ABCA1: variants seen among roughly 807,000 people sequenced by gnomAD.
The protein encoded by ABCA1 is phospholipid-transporting ATPase ABCA1.
In ABCA1, 133 loss-of-function variants were observed where a neutral mutation model predicts 262.5. That is an observed-to-expected ratio of 0.51 (90% CI 0.44 to 0.59). The LOEUF is 0.59. Among genes scored for constraint, ABCA1 ranks in the 20% least tolerant of loss-of-function variants. ABCA1 has a pLI of 0.00. For synonymous variants in ABCA1, 1,022 were observed against 1,043.5 expected, an observed-to-expected ratio of 0.98 and a Z score of 0.40; for missense variants, 2,452 against 2,777.5, an observed-to-expected ratio of 0.88 and a Z score of 2.63.
At position 104,820,042 on chromosome 9, in the gene ABCA1, G is replaced by A. The variant is rs886063310; in HGVS notation, c.2988C>T (p.Phe996=). The change falls in exon 21 of 50, where the codon TTC becomes TTT. Residue 996 remains phenylalanine, a synonymous_variant. Transcript: ENST00000374736. ...CAGAGAGCCCTTTCAAGCGGGCATA[G>A]AACCAGATGTGTTCTTCGACAGTCA... is the stretch of plus-strand genomic sequence containing the variant. ...DMLTVEEHIW[F]YARLKGLSEK... The A allele has an allele frequency of 6.2e-7, 1 of 1,614,140 alleles. No individual in the cohort carries two copies. Among genetic ancestry groups the A allele is most frequent in the East Asian group, 2.2e-5 (1 of 44,880 alleles).
intron 5 of ABCA1, among the ~76,000 whole-genome samples, chr9:104,862,597 C>G (rs80110538): frequency 0.055 from 7,891 of 144,280 alleles, 330 homozygotes; most frequent in East Asian, 0.27. Context: ...AAGTATGCAT[C>G]AGAATCACCT....
intron 40 of ABCA1, 143 bp from the exon 41 acceptor site, chr9:104,793,443 G>C: frequency 8.2e-7 from 1 of 1,219,518 alleles, no homozygotes; most frequent in East Asian, 2.5e-5. Context: ...GGAAAAAAGA[G>C]TAACAAGAGA....
chr9:104,852,774 T>C (rs1835484920), intron 7 of ABCA1, among the ~76,000 whole-genome samples: 1 of 152,158 alleles, frequency 6.6e-6, no homozygotes, highest in Non-Finnish European at 1.5e-5. Context: ...GGCAGTCAAA[T>C]CACACAAAGC....
intron 7 of ABCA1, among the ~76,000 whole-genome samples, chr9:104,851,374 C>T (rs1434470229): frequency 6.6e-6 from 1 of 152,170 alleles, no homozygotes; most frequent in African/African-American, 2.4e-5. Context: ...CTTTGCCCAC[C>T]TCTGCAGGCA....
chr9:104,812,477 C>G, intron 28 of ABCA1, 97 bp downstream of exon 28: 1 of 1,511,200 alleles, frequency 6.6e-7, no homozygotes, highest in Non-Finnish European at 9.1e-7. Flanking sequence ...GCTCCGGCAT[C>G]CATATCTTGA....
chr9:104,830,954 C>G lies in ABCA1; in HGVS notation c.1863G>C (p.Gln621His), dbSNP rs760598637. 6.2e-7 allele frequency: 1 copy of G among 1,613,928 alleles called. No homozygotes were observed. The highest frequency in any genetic ancestry group is 8.5e-7 in the Non-Finnish European group (1 of 1,179,968). ...CATCAACGTAACAGGGATAGGGCAT[C>G]TGTTGCATATAGACACCAGTTTTCT... ...TEKKTGVYMQ[Q>H]MPYPCYVDDI... Residue 621 changes from glutamine (Q) to histidine (H), a missense_variant, in exon 14 of 50, where the codon CAG (glutamine) becomes CAC (histidine). Around this residue, in one of 4 missense-constraint regions of ABCA1, gnomAD observed 1,032 missense variants for 1,089.7 expected, o/e 0.95. Coordinates refer to ENST00000374736, the MANE Select transcript of ABCA1 (RefSeq NM_005502.4).
At chr9:104,796,512 G>A (rs1026519244) in intron 37 of ABCA1, 88 bp from the exon 38 acceptor site, 10 of 981,844 alleles carry the variant, frequency 1.0e-5, no homozygotes, top group Middle Eastern at 2.1e-4. Context: ...AGACAAGAAA[G>A]GGCAGATAAA....
At chr9:104,836,632 A>T (rs1458936694) in intron 11 of ABCA1, among the ~76,000 whole-genome samples, 1 of 152,152 alleles carries the variant, frequency 6.6e-6, no homozygotes, top group Admixed American at 6.5e-5. Context: ...TCCAAAACCT[A>T]CCAAGACACA....
intron 35 of ABCA1, among the ~76,000 whole-genome samples, chr9:104,800,294 G>A (rs1830221574): frequency 6.6e-6 from 1 of 152,248 alleles, no homozygotes; most frequent in African/African-American, 2.4e-5. Context: ...GTTTAGATAG[G>A]TTAAGTAACT....
At chr9:104,921,484 AT>A (rs1200547712) in intron 1 of ABCA1, among the ~76,000 whole-genome samples, 2 of 152,222 alleles carry the variant, frequency 1.3e-5, no homozygotes, top group African/African-American at 4.8e-5. Context: ...AGACTAGAGC[AT>A]TTTCTTAAAT....
At chr9:104,921,316 C>G (rs1454914267) in intron 1 of ABCA1, among the ~76,000 whole-genome samples, 2 of 151,956 alleles carry the variant, frequency 1.3e-5, no homozygotes, top group African/African-American at 4.8e-5. Context: ...CAAACACCCC[C>G]CAAGAAAAGA....
Position 104,817,188 on chromosome 9 carries a change from C to G in ABCA1, c.3535+144G>C. On this transcript the variant is annotated intron_variant, in intron 24 of 49. Transcript: ENST00000374736. This position sits in a 1 kb window ranked among gnomAD's most constrained non-coding sequence, Gnocchi z 4.7. ...GGCCAACCCGCCACCAAGCTGCTCC[C>G]ACACCCGCAGCCACCCAGCCCCAGC... The G allele has an allele frequency of 1.9e-6, 3 of 1,554,808 alleles. No homozygotes were observed. Among genetic ancestry groups the G allele is most frequent in the Non-Finnish European group, 2.6e-6 (3 of 1,154,992 alleles).
At chr9:104,786,532 A>G (rs1828946645) in intron 47 of ABCA1, 142 bp from the exon 48 acceptor site, 3 of 779,848 alleles carry the variant, frequency 3.8e-6, no homozygotes, top group African/African-American at 1.7e-5. Flanking sequence ...GATGCTGTTC[A>G]GTGTAGTGGT....
chr9:104,878,441 G>A (rs777131895), intron 5 of ABCA1, among the ~76,000 whole-genome samples: 1 of 152,194 alleles, frequency 6.6e-6, no homozygotes, highest in Non-Finnish European at 1.5e-5. Context: ...CTTCCCAGTT[G>A]AAAGATTATT....
In ABCA1 at chr9:104,893,421, C is replaced by CAAAAAAAA. The variant is rs34544647; in HGVS notation, c.67-4234_67-4227dup. On this transcript the variant is annotated intron_variant, in intron 2 of 49. Transcript: ENST00000374736. ...TGGGCAACAGAGTGAGACTTCACCT[C>CAAAAAAAA]AAAAAAAAAAAAAAAAAAAAAAAAA... Among the ~76,000 whole-genome samples, 75 of 35,244 alleles carry CAAAAAAAA rather than the reference C, an allele frequency of 2.1e-3. 4 individuals carry two copies. The highest frequency in any genetic ancestry group is 2.3e-3 in the African/African-American group (25 of 10,758). The allele number at this position is 35,244 out of a possible 152,430, so 23.1% of individuals were successfully genotyped here.
chr9:104,882,386 C>T (rs373088876), intron 5 of ABCA1, among the ~76,000 whole-genome samples: 109 of 152,376 alleles, frequency 7.2e-4, no homozygotes, highest in African/African-American at 1.3e-3. Flanking sequence ...CTCCCACCAG[C>T]CTCTGTCCCC....
intron 5 of ABCA1, among the ~76,000 whole-genome samples, chr9:104,878,671 C>A (rs1431402316): frequency 1.3e-5 from 2 of 152,000 alleles, no homozygotes; most frequent in African/African-American, 4.8e-5. Context: ...AACAGTGATT[C>A]GCATATAGGA....
In ABCA1 at chr9:104,782,908, C is replaced by T. The variant is rs1828630303; in HGVS notation, c.*1407G>A. ...ACAGTGGGCTCCTACAACCACAAGA[C>T]AACCTATATTTGTAAACCAGTGAGC... On this transcript the variant is annotated 3_prime_UTR_variant, in exon 50 of 50. Coordinates refer to ENST00000374736, the MANE Select transcript of ABCA1 (RefSeq NM_005502.4). 1 of 150,356 alleles carries T rather than the reference C, an allele frequency of 6.7e-6. No individual in the cohort carries two copies. Among genetic ancestry groups the T allele is most frequent in the South Asian group, 2.1e-4 (1 of 4,764 alleles). 9.3% of individuals were successfully genotyped at this position (150,356 alleles called of 1,614,324 possible).
chr9:104,925,730 G>A (rs887122892), intron 1 of ABCA1, among the ~76,000 whole-genome samples: 1 of 152,144 alleles, frequency 6.6e-6, no homozygotes, highest in African/African-American at 2.4e-5. Context: ...TGGGAAACAG[G>A]CTGACAATGG....
Sources: gnomAD v4.1 joint callset for allele counts (sites outside exome capture counted in the v4.1 genomes callset) on GRCh38, gnomAD v4.1.1 for gene constraint, gnomAD v4.1.1 regional missense constraint, Gnocchi (gnomAD v3.1) non-coding constraint, MANE v1.5 for transcripts, NCBI Gene and HGNC (gene_info 2026-07-23, HGNC 2026-07-21) for gene names.